Variants in PRKCE observed in about 807,000 individuals in gnomAD.
PRKCE encodes the protein protein kinase C epsilon type.
Under a neutral mutation model 85.4 loss-of-function variants are expected in PRKCE, and 16 were observed. The ratio of observed to expected loss-of-function variants is 0.19; its 90% CI spans 0.13 to 0.28. The LOEUF (loss-of-function observed/expected upper bound fraction) is 0.28, where lower values mean the gene tolerates loss of function less well. Ranked by LOEUF, PRKCE falls within the 10% of genes least tolerant of loss-of-function variation. The probability of loss-of-function intolerance (pLI) is 1.00; values close to 1 mark genes in which losing one functional copy is unlikely to be tolerated. For missense variants in PRKCE, 573 were observed against 975.2 expected, an observed-to-expected ratio of 0.59 and a Z score of 5.49; for synonymous variants, 388 against 371.5, an observed-to-expected ratio of 1.04 and a Z score of -0.51.
At chr2:45,886,115 T>A (rs190438873) in intron 2 of PRKCE, among the ~76,000 whole-genome samples, 1 of 152,330 alleles carries the variant, frequency 6.6e-6, no homozygotes, top group East Asian at 1.9e-4. Flanking sequence ...GTGGAACTCT[T>A]ACCTGTCCGG....
intron 2 of PRKCE, among the ~76,000 whole-genome samples, chr2:45,923,004 A>G (rs73926116): frequency 0.018 from 2,670 of 152,262 alleles, 89 homozygotes; most frequent in African/African-American, 0.061. Flanking sequence ...ATATAAGAGG[A>G]GAGAAAATAC....
intron 2 of PRKCE, among the ~76,000 whole-genome samples, chr2:45,947,340 G>T (rs866257352): frequency 2.0e-5 from 3 of 152,104 alleles, no homozygotes; most frequent in South Asian, 4.2e-4. Context: ...CGTGAATGAG[G>T]GATGCCTGGT....
chr2:45,977,395 G>A (rs1208011973), intron 3 of PRKCE, among the ~76,000 whole-genome samples: 1 of 152,074 alleles, frequency 6.6e-6, no homozygotes, highest in Non-Finnish European at 1.5e-5. Flanking sequence ...CCAGCACTTT[G>A]GGAGGCCGAG....
At chr2:45,862,691 C>T (rs1693264240) in intron 2 of PRKCE, among the ~76,000 whole-genome samples, 1 of 152,172 alleles carries the variant, frequency 6.6e-6, no homozygotes, top group Non-Finnish European at 1.5e-5. Flanking sequence ...ATGCGCAGGG[C>T]TTTGGGGATT....
chr2:45,992,259 A>G (rs79778445), intron 6 of PRKCE, among the ~76,000 whole-genome samples: 5,912 of 152,232 alleles, frequency 0.039, 181 homozygotes, highest in African/African-American at 0.079. Context: ...TCCCCTGTAC[A>G]CGTGGCAGAT....
intron 5 of PRKCE, among the ~76,000 whole-genome samples, chr2:45,982,235 G>GGACCAAAC (rs772705470): frequency 0.029 from 4,391 of 152,314 alleles, 89 homozygotes; most frequent in Middle Eastern, 0.058. Flanking sequence ...CCTCTGCCGG[G>GGACCAAAC]TTACTGAACT....
intron 13 of PRKCE, among the ~76,000 whole-genome samples, chr2:46,158,541 A>T (rs1677441453): frequency 6.6e-6 from 1 of 152,098 alleles, no homozygotes; most frequent in African/African-American, 2.4e-5. Context: ...ATCGCATTGA[A>T]CTCGAGGCCA....
chr2:45,681,039 C>T (rs1340847203), intron 1 of PRKCE, among the ~76,000 whole-genome samples: 1 of 151,938 alleles, frequency 6.6e-6, no homozygotes, highest in African/African-American at 2.4e-5. Context: ...GCCTGTAATC[C>T]CAGCACTTTG....
intron 2 of PRKCE, among the ~76,000 whole-genome samples, chr2:45,903,458 GAA>G (rs1696719801): frequency 6.6e-6 from 1 of 152,218 alleles, no homozygotes; most frequent in South Asian, 2.1e-4. Context: ...GGCTGTGAGG[GAA>G]GATGAGGCCG....
intron 10 of PRKCE, among the ~76,000 whole-genome samples, chr2:46,075,063 C>G (rs192440296): frequency 1.7e-3 from 255 of 152,238 alleles, no homozygotes; most frequent in Admixed American, 3.3e-3. Flanking sequence ...TGTTTTGAGA[C>G]GGAGTCTCGC....
chr2:46,175,451 A>C (rs1679330756), intron 14 of PRKCE, among the ~76,000 whole-genome samples: 1 of 152,244 alleles, frequency 6.6e-6, no homozygotes, highest in South Asian at 2.1e-4. Context: ...AATTTACTCG[A>C]TGTCACCTAC....
chr2:45,929,235 C>A (rs907527714), intron 2 of PRKCE, among the ~76,000 whole-genome samples: 1 of 152,064 alleles, frequency 6.6e-6, no homozygotes, highest in Admixed American at 6.5e-5. Context: ...GCAGATGAGC[C>A]TTATATAACA....
At chr2:45,708,217 T>G (rs541466563) in intron 1 of PRKCE, among the ~76,000 whole-genome samples, 16 of 152,256 alleles carry the variant, frequency 1.1e-4, no homozygotes, top group African/African-American at 3.9e-4. Flanking sequence ...TCCACAATCA[T>G]CAAGTGCCAC....
intron 1 of PRKCE, among the ~76,000 whole-genome samples, chr2:45,837,399 G>A (rs1166946604): frequency 6.6e-6 from 1 of 152,196 alleles, no homozygotes; most frequent in Non-Finnish European, 1.5e-5. Flanking sequence ...TGGGACTACA[G>A]GTGCATGCCT....
At chr2:45,866,231 G>A (rs1345316911) in intron 2 of PRKCE, among the ~76,000 whole-genome samples, 1 of 152,066 alleles carries the variant, frequency 6.6e-6, no homozygotes. Context: ...TGAATCATCT[G>A]GAAGGCTTTA....
At chr2:45,710,072 A>G (rs1034437412) in intron 1 of PRKCE, among the ~76,000 whole-genome samples, 1 of 152,228 alleles carries the variant, frequency 6.6e-6, no homozygotes, top group Admixed American at 6.5e-5. Context: ...CTGGGATTAC[A>G]GGCTTAGGCT....
At chr2:46,142,058 T>C (rs553052557) in intron 11 of PRKCE, among the ~76,000 whole-genome samples, 8 of 151,860 alleles carry the variant, frequency 5.3e-5, no homozygotes, top group Admixed American at 1.3e-4. Flanking sequence ...GAATGAGGAG[T>C]GGAAATTCAG....
intron 10 of PRKCE, among the ~76,000 whole-genome samples, chr2:46,038,650 T>TTC (rs1491422485): frequency 1.2e-5 from 1 of 81,724 alleles, no homozygotes. Flanking sequence ...TAGTAACAAC[T>TTC]TCACACACAC....
chr2:45,760,747 A>C (rs1684399733), intron 1 of PRKCE, among the ~76,000 whole-genome samples: 1 of 152,138 alleles, frequency 6.6e-6, no homozygotes, highest in African/African-American at 2.4e-5. Flanking sequence ...CCTTGGTGAG[A>C]TTATACCCGG....
Sources: gnomAD v4.1 joint callset for allele counts (sites outside exome capture counted in the v4.1 genomes callset) on GRCh38, gnomAD v4.1.1 for gene constraint, MANE v1.5 for transcripts, NCBI Gene and HGNC (gene_info 2026-07-23, HGNC 2026-07-21) for gene names.